Variants in FAM163A observed in about 807,000 individuals in gnomAD.
FAM163A encodes the protein protein FAM163A.
Under a neutral mutation model 12.0 loss-of-function variants are expected in FAM163A, and 7 were observed. The ratio of observed to expected loss-of-function variants is 0.58; its 90% CI spans 0.33 to 1.10. The LOEUF is 1.10. Among genes scored for constraint, FAM163A ranks in the 50% least tolerant of loss-of-function variants. FAM163A has a pLI of 0.03. For missense variants in FAM163A, 202 were observed against 218.6 expected, an observed-to-expected ratio of 0.92 and a Z score of 0.48; for synonymous variants, 101 against 91.0, an observed-to-expected ratio of 1.11 and a Z score of -0.62.
chr1:179,806,070 C>G (rs1401773805), intron 1 of FAM163A, among the ~76,000 whole-genome samples: 1 of 152,210 alleles, frequency 6.6e-6, no homozygotes, highest in Non-Finnish European at 1.5e-5. Context: ...TCAGCAACAC[C>G]TCTCACCATG....
At chr1:179,761,489 G>A (rs756003967) in intron 1 of FAM163A, among the ~76,000 whole-genome samples, 14 of 152,312 alleles carry the variant, frequency 9.2e-5, no homozygotes, top group East Asian at 1.9e-4. Flanking sequence ...CAGGAGCCAG[G>A]AAAGCATAAA....
rs915084690 is a variant in FAM163A at position 179,816,098 on chromosome 1, C to A, written c.*1909C>A. ...CAGAGCACTCCCTCTTGCCCTAATC[C>A]TGGCAGGGTCTGGATGTATTTACCC... On this transcript the variant is annotated 3_prime_UTR_variant, in exon 5 of 5. Coordinates refer to ENST00000341785, the MANE Select transcript of FAM163A (RefSeq NM_173509.3). 2 of 152,224 alleles carry A rather than the reference C, an allele frequency of 1.3e-5. No homozygotes were observed. Among genetic ancestry groups the A allele is most frequent in the African/African-American group, 4.8e-5 (2 of 41,438 alleles). 9.4% of individuals were successfully genotyped at this position (152,224 alleles called of 1,614,324 possible).
At chr1:179,800,239 C>T (rs1019738995) in intron 1 of FAM163A, among the ~76,000 whole-genome samples, 1 of 152,180 alleles carries the variant, frequency 6.6e-6, no homozygotes, top group African/African-American at 2.4e-5. Context: ...TCCGACACAC[C>T]TGTGCTTACT....
At chr1:179,790,843 A>G (rs532377417) in intron 1 of FAM163A, among the ~76,000 whole-genome samples, 1 of 152,286 alleles carries the variant, frequency 6.6e-6, no homozygotes, top group African/African-American at 2.4e-5. Context: ...AGAAGAGACT[A>G]AGTAGAAGAA....
At chr1:179,811,779 G>A (rs966513011) in intron 2 of FAM163A, among the ~76,000 whole-genome samples, 1 of 152,194 alleles carries the variant, frequency 6.6e-6, no homozygotes, top group African/African-American at 2.4e-5. Context: ...TAAACAATTT[G>A]CAAAGCCCTT....
chr1:179,803,231 T>A lies in FAM163A; in HGVS notation c.-135-4567T>A, dbSNP rs1693434500. 2.0e-5 allele frequency among the ~76,000 whole-genome samples: 3 copies of A among 152,196 alleles called. No homozygotes were observed. In the South Asian group the frequency reaches 6.2e-4, roughly 32 times the overall value. On this transcript the variant is annotated intron_variant, in intron 1 of 4. Coordinates refer to ENST00000341785, the MANE Select transcript of FAM163A (RefSeq NM_173509.3). ...AATGATTAGAGAAGGCTTAATTGCA[T>A]CAGAGAAATTGAGATCAGCTGGTGC...
intron 1 of FAM163A, among the ~76,000 whole-genome samples, chr1:179,746,733 T>C (rs2147955438): frequency 6.6e-6 from 1 of 152,328 alleles, no homozygotes; most frequent in African/African-American, 2.4e-5. Flanking sequence ...TCAAACACTT[T>C]TCCAGCTTAA....
intron 2 of FAM163A, among the ~76,000 whole-genome samples, chr1:179,811,162 C>A (rs907992806): frequency 6.6e-6 from 1 of 152,232 alleles, no homozygotes; most frequent in East Asian, 1.9e-4. Flanking sequence ...ATGGCAATGT[C>A]TTTGAAGCTG....
chr1:179,732,338 T>C, the FAM163A span, among the ~76,000 whole-genome samples: 1 of 152,240 alleles, frequency 6.6e-6, no homozygotes, highest in African/African-American at 2.4e-5. Context: ...TTGTTTTATA[T>C]GGAAACGTAG....
rs1482498244 is a variant in FAM163A, at chr1:179,760,717, G to A, written c.-136+17294G>A. ...ATGAAGTGGCAAAGGCAGGAGCAGA[G>A]GGGAAGTGTGGGGCCTCCAGCACTG... On this transcript the variant is annotated intron_variant, in intron 1 of 4. Coordinates refer to ENST00000341785, the MANE Select transcript of FAM163A (RefSeq NM_173509.3). Among the ~76,000 whole-genome samples the A allele has an allele frequency of 2.6e-5, 4 of 152,210 alleles. No homozygotes were observed. In the South Asian group the frequency reaches 6.2e-4, roughly 24 times the overall value.
intron 1 of FAM163A, among the ~76,000 whole-genome samples, chr1:179,803,355 G>A (rs915886634): frequency 9.9e-5 from 15 of 152,152 alleles, no homozygotes; most frequent in Non-Finnish European, 1.5e-4. Flanking sequence ...GCCGCAGCTG[G>A]CGTTTCCTGC....
intron 1 of FAM163A, among the ~76,000 whole-genome samples, chr1:179,746,320 C>G (rs564765573): frequency 6.6e-6 from 1 of 152,202 alleles, no homozygotes; most frequent in South Asian, 2.1e-4. Context: ...TAGCACTGTT[C>G]GAACTGTGAA....
At chr1:179,741,131 G>T (rs143405511), upstream of FAM163A, among the ~76,000 whole-genome samples, 11 of 152,272 alleles carry the variant, frequency 7.2e-5, no homozygotes, top group East Asian at 2.1e-3. Context: ...GCAAACATTT[G>T]AACAGGCACT....
chr1:179,739,038 T>G (rs1208783220), upstream of FAM163A, among the ~76,000 whole-genome samples: 1 of 152,114 alleles, frequency 6.6e-6, no homozygotes, highest in African/African-American at 2.4e-5. Flanking sequence ...AGCTGATTCT[T>G]GACAAAGGTG....
intron 1 of FAM163A, among the ~76,000 whole-genome samples, chr1:179,768,418 T>C (rs1687798038): frequency 6.6e-6 from 1 of 152,208 alleles, no homozygotes; most frequent in Admixed American, 6.5e-5. Context: ...TTTATTATTC[T>C]CTCCTGGATT....
chr1:179,813,771 C>T lies in FAM163A; in HGVS notation c.94-8C>T, dbSNP rs1557984593. On this transcript the variant is annotated splice_region_variant and splice_polypyrimidine_tract_variant and intron_variant, in intron 4 of 4. Transcript: ENST00000341785. ...CCCTCTCAGGCATCCCTCTGCCCTT[C>T]CGCACAGTATTACTGCTGCAAGAAG... 2.5e-6 allele frequency: 4 copies of T among 1,613,790 alleles called. No individual in the cohort carries two copies. Among genetic ancestry groups the T allele is most frequent in the Non-Finnish European group, 2.5e-6 (3 of 1,180,000 alleles).
At chr1:179,799,735 G>A (rs756178625) in intron 1 of FAM163A, among the ~76,000 whole-genome samples, 1 of 152,204 alleles carries the variant, frequency 6.6e-6, no homozygotes, top group Non-Finnish European at 1.5e-5. Context: ...AGGTTTACTG[G>A]CCTCAGCACT....
At chr1:179,811,780 C>T (rs568418057) in intron 2 of FAM163A, among the ~76,000 whole-genome samples, 2 of 152,330 alleles carry the variant, frequency 1.3e-5, no homozygotes, top group East Asian at 3.9e-4. Flanking sequence ...AAACAATTTG[C>T]AAAGCCCTTC....
At chr1:179,774,981 G>A (rs1437713425) in intron 1 of FAM163A, among the ~76,000 whole-genome samples, 3 of 152,170 alleles carry the variant, frequency 2.0e-5, no homozygotes, top group Non-Finnish European at 4.4e-5. Context: ...AAAACGCACG[G>A]CAAAGCAAGG....
Sources: allele counts gnomAD v4.1 joint callset (sites outside exome capture counted in the v4.1 genomes callset), GRCh38; gene constraint gnomAD v4.1.1; transcripts MANE v1.5; gene names NCBI Gene and HGNC (gene_info 2026-07-23, HGNC 2026-07-21).